MTUS2: variants seen among roughly 807,000 people sequenced by gnomAD.
The protein encoded by MTUS2 is microtubule associated scaffold protein 2, also known as microtubule-associated tumor suppressor candidate 2.
In MTUS2, 40 loss-of-function variants were observed where a neutral mutation model predicts 114.1. The observed-to-expected ratio is 0.35, with a 90% CI of 0.27 to 0.46. The LOEUF (loss-of-function observed/expected upper bound fraction) is 0.46, where lower values mean the gene tolerates loss of function less well. Ranked by LOEUF, MTUS2 falls within the 20% of genes least tolerant of loss-of-function variation. MTUS2 has a pLI of 1.00. For missense variants in MTUS2, 1,679 were observed against 1,705.4 expected, an observed-to-expected ratio of 0.98 and a Z score of 0.27; for synonymous variants, 688 against 672.0, an observed-to-expected ratio of 1.02 and a Z score of -0.37.
intron 9 of MTUS2, among the ~76,000 whole-genome samples, chr13:29,478,696 T>C (rs1244822288): frequency 1.3e-5 from 2 of 152,084 alleles, no homozygotes; most frequent in Non-Finnish European, 1.5e-5. Flanking sequence ...TGCCTACACA[T>C]GGAATGGAAC....
chr13:29,264,036 A>G (rs1465218277), intron 5 of MTUS2, among the ~76,000 whole-genome samples: 3 of 152,244 alleles, frequency 2.0e-5, no homozygotes, highest in South Asian at 4.1e-4. Flanking sequence ...CCTTCCACTG[A>G]TGAGCCTGTA....
At chr13:29,326,671 A>G (rs185128931) in intron 7 of MTUS2, among the ~76,000 whole-genome samples, 1 of 152,332 alleles carries the variant, frequency 6.6e-6, no homozygotes, top group East Asian at 1.9e-4. Context: ...TATACTCTCT[A>G]AACTAACTCA....
At chr13:29,444,301 T>C (rs1878117561) in intron 9 of MTUS2, among the ~76,000 whole-genome samples, 1 of 152,112 alleles carries the variant, frequency 6.6e-6, no homozygotes, top group Non-Finnish European at 1.5e-5. Context: ...TGGTGGTGGG[T>C]GCCTGTAATC....
chr13:28,971,398 A>G (rs945793783), intron 2 of MTUS2, among the ~76,000 whole-genome samples: 3 of 152,210 alleles, frequency 2.0e-5, no homozygotes, highest in East Asian at 3.9e-4. Context: ...TACCTAGGAT[A>G]TGTCCGAAGG....
intron 1 of MTUS2, among the ~76,000 whole-genome samples, chr13:28,834,281 A>G (rs2137962169): frequency 6.6e-6 from 1 of 152,278 alleles, no homozygotes; most frequent in East Asian, 1.9e-4. Context: ...AAAACTTAAC[A>G]CAAAACTACC....
At chr13:29,356,475 G>C (rs770905117) in intron 7 of MTUS2, among the ~76,000 whole-genome samples, 19 of 152,214 alleles carry the variant, frequency 1.2e-4, no homozygotes, top group Admixed American at 6.5e-4. Flanking sequence ...AGTGATCTTC[G>C]TTCAACATAA....
At chr13:29,373,994 C>A (rs534044716) in intron 8 of MTUS2, among the ~76,000 whole-genome samples, 109 of 152,222 alleles carry the variant, frequency 7.2e-4, no homozygotes, top group African/African-American at 2.3e-3. Context: ...CCTTGAAATT[C>A]TTCAAAGAAA....
intron 8 of MTUS2, among the ~76,000 whole-genome samples, chr13:29,410,048 G>A (rs781157514): frequency 6.6e-6 from 1 of 151,962 alleles, no homozygotes; most frequent in Non-Finnish European, 1.5e-5. Context: ...ACAAAAAATT[G>A]GATCAGATTG....
chr13:29,036,836 C>CTTT (rs60067754), intron 4 of MTUS2, among the ~76,000 whole-genome samples: 66,068 of 148,140 alleles, frequency 0.45, 15,528 homozygotes, highest in South Asian at 0.71. Context: ...CAACCCTTGT[C>CTTT]TTTTTTTTTG....
intron 5 of MTUS2, among the ~76,000 whole-genome samples, chr13:29,255,732 A>G (rs1683274470): frequency 6.6e-6 from 1 of 152,006 alleles, no homozygotes; most frequent in Admixed American, 6.5e-5. Flanking sequence ...GGGTGACTGA[A>G]AGGTCATGGG....
intron 5 of MTUS2, among the ~76,000 whole-genome samples, chr13:29,203,780 T>C (rs950139597): frequency 7.8e-6 from 1 of 127,806 alleles, no homozygotes; most frequent in Non-Finnish European, 1.6e-5. Flanking sequence ...GGGGAGGTAG[T>C]TCTTAGACCC....
At chr13:28,870,269 C>T (rs990639657) in intron 2 of MTUS2, among the ~76,000 whole-genome samples, 1 of 152,100 alleles carries the variant, frequency 6.6e-6, no homozygotes, top group Non-Finnish European at 1.5e-5. Flanking sequence ...CTTTAAAATA[C>T]CTTAGATCTT....
At chr13:29,036,004 C>G (rs1050430499) in intron 4 of MTUS2, among the ~76,000 whole-genome samples, 7 of 151,686 alleles carry the variant, frequency 4.6e-5, no homozygotes, top group Non-Finnish European at 7.4e-5. Flanking sequence ...ATTAGCTGGA[C>G]TTGGGGGTGT....
intron 6 of MTUS2, among the ~76,000 whole-genome samples, chr13:29,302,229 T>C (rs1305874107): frequency 1.3e-5 from 2 of 152,198 alleles, no homozygotes; most frequent in African/African-American, 2.4e-5. Context: ...CTGGGGCTGC[T>C]GACAGCCCAC....
chr13:29,351,781 T>TA (rs200105453), intron 7 of MTUS2, among the ~76,000 whole-genome samples: 18 of 81,086 alleles, frequency 2.2e-4, no homozygotes, highest in African/African-American at 1.1e-3. Flanking sequence ...TTTGTTTATT[T>TA]TTTTTTTTTT....
intron 1 of MTUS2, among the ~76,000 whole-genome samples, chr13:28,839,038 A>G (rs1566168867): frequency 6.6e-6 from 1 of 151,914 alleles, no homozygotes; most frequent in Non-Finnish European, 1.5e-5. Context: ...TGAAATTGCG[A>G]TATGTGTAGG....
chr13:28,918,063 G>A (rs573131616), intron 2 of MTUS2, among the ~76,000 whole-genome samples: 49 of 151,600 alleles, frequency 3.2e-4, no homozygotes, highest in African/African-American at 1.0e-3. Context: ...ATTTATTTTC[G>A]AACGCTGTAA....
At chr13:29,066,887 C>T (rs1198096685) in intron 4 of MTUS2, among the ~76,000 whole-genome samples, 1 of 152,226 alleles carries the variant, frequency 6.6e-6, no homozygotes, top group Non-Finnish European at 1.5e-5. Context: ...GGAAAGTTTT[C>T]TAAGCCAAGT....
intron 4 of MTUS2, among the ~76,000 whole-genome samples, chr13:29,070,360 T>A (rs116061097): frequency 6.6e-6 from 1 of 152,200 alleles, no homozygotes; most frequent in Non-Finnish European, 1.5e-5. Context: ...GAAAGCAAAC[T>A]TGCAGAATGT....
Sources: allele counts gnomAD v4.1 joint callset (sites outside exome capture counted in the v4.1 genomes callset), GRCh38; gene constraint gnomAD v4.1.1; transcripts MANE v1.5; gene names NCBI Gene and HGNC (gene_info 2026-07-23, HGNC 2026-07-21).